Variants in ZBTB20 observed in about 807,000 individuals in gnomAD.
ZBTB20 encodes the protein zinc finger and BTB domain containing 20.
ZBTB20 carries 9 observed loss-of-function variants against 56.9 expected under a neutral mutation model. That is an observed-to-expected ratio of 0.16 (90% CI 0.10 to 0.28). The LOEUF is 0.28. ZBTB20 is among the 10% of genes least tolerant of loss of function. The pLI is 1.00. For synonymous variants in ZBTB20, 417 were observed against 420.7 expected, an observed-to-expected ratio of 0.99 and a Z score of 0.11; for missense variants, 655 against 1,003.0, an observed-to-expected ratio of 0.65 and a Z score of 4.69.
chr3:114,876,107 T>G (rs1200280842), intron 4 of ZBTB20, among the ~76,000 whole-genome samples: 1 of 149,870 alleles, frequency 6.7e-6, no homozygotes, highest in East Asian at 1.9e-4. Context: ...TATGGTGGCA[T>G]GCACCTGTAG....
At chr3:114,673,340 T>C (rs548109370) in intron 6 of ZBTB20, among the ~76,000 whole-genome samples, 1 of 152,236 alleles carries the variant, frequency 6.6e-6, no homozygotes, top group African/African-American at 2.4e-5. Flanking sequence ...CAGGGTGATA[T>C]AAGGATTAAT....
At chr3:114,457,668 G>C (rs2092100984) in intron 7 of ZBTB20, among the ~76,000 whole-genome samples, 1 of 152,082 alleles carries the variant, frequency 6.6e-6, no homozygotes, top group Non-Finnish European at 1.5e-5. Flanking sequence ...AGTCTGCTAA[G>C]GACTTTACAT....
chr3:114,962,943 C>G (rs1255297591), intron 3 of ZBTB20, among the ~76,000 whole-genome samples: 2 of 151,968 alleles, frequency 1.3e-5, no homozygotes, highest in Non-Finnish European at 2.9e-5. Flanking sequence ...TTCTGTCAGT[C>G]AGAAGGCAAG....
At chr3:114,678,077 C>A (rs1446937769) in intron 6 of ZBTB20, among the ~76,000 whole-genome samples, 1 of 152,098 alleles carries the variant, frequency 6.6e-6, no homozygotes, top group East Asian at 1.9e-4. Context: ...CTTTCATATG[C>A]AATCTTTTGT....
intron 3 of ZBTB20, among the ~76,000 whole-genome samples, chr3:114,947,714 G>T (rs35293656): frequency 6.9e-6 from 1 of 145,586 alleles, no homozygotes; most frequent in Admixed American, 6.6e-5. Context: ...GTGTTATTCA[G>T]GTTATGAATA....
intron 3 of ZBTB20, among the ~76,000 whole-genome samples, chr3:114,917,513 A>T (rs1560396468): frequency 6.6e-6 from 1 of 152,102 alleles, no homozygotes; most frequent in Non-Finnish European, 1.5e-5. Flanking sequence ...TTGGGGAAGC[A>T]TTCTAGGTAT....
intron 6 of ZBTB20, among the ~76,000 whole-genome samples, chr3:114,563,315 C>G (rs548788962): frequency 8.5e-5 from 13 of 152,246 alleles, no homozygotes; most frequent in African/African-American, 3.1e-4. Flanking sequence ...CCAGTTTGAA[C>G]CGAATCCCAT....
intron 2 of ZBTB20, among the ~76,000 whole-genome samples, chr3:114,978,669 T>TGC (rs781650934): frequency 2.0e-5 from 3 of 150,208 alleles, no homozygotes; most frequent in East Asian, 1.9e-4. Flanking sequence ...ATGTACCAGG[T>TGC]GTGTGTGTGT....
intron 6 of ZBTB20, among the ~76,000 whole-genome samples, chr3:114,515,422 T>C (rs1247473624): frequency 1.3e-5 from 2 of 152,200 alleles, no homozygotes; most frequent in African/African-American, 4.8e-5. Context: ...TCCAGGCTGC[T>C]GATCCTTGCT....
intron 2 of ZBTB20, among the ~76,000 whole-genome samples, chr3:114,993,716 A>G (rs2078914550): frequency 1.3e-5 from 2 of 151,936 alleles, no homozygotes; most frequent in South Asian, 4.1e-4. Flanking sequence ...AATGAACACA[A>G]TAAAGGCACT....
At chr3:114,476,203 G>A (rs1463116078) in intron 7 of ZBTB20, among the ~76,000 whole-genome samples, 4 of 151,874 alleles carry the variant, frequency 2.6e-5, no homozygotes, top group Non-Finnish European at 4.4e-5. Flanking sequence ...TAGATATGTC[G>A]TACTATACTT....
intron 7 of ZBTB20, among the ~76,000 whole-genome samples, chr3:114,458,251 T>G (rs2092138268): frequency 6.6e-6 from 1 of 152,208 alleles, no homozygotes; most frequent in Non-Finnish European, 1.5e-5. Flanking sequence ...TTCCCCCGAC[T>G]ATGCCATTCT....
chr3:114,743,060 A>AT (rs1358471157), intron 5 of ZBTB20, among the ~76,000 whole-genome samples: 4 of 152,028 alleles, frequency 2.6e-5, no homozygotes, highest in Non-Finnish European at 5.9e-5. Context: ...ACAAGTGACA[A>AT]TTTTTTTACA....
intron 5 of ZBTB20, among the ~76,000 whole-genome samples, chr3:114,748,328 TTCTTTC>T (rs1352922204): frequency 2.7e-4 from 32 of 120,046 alleles, no homozygotes; most frequent in African/African-American, 1.1e-3. Flanking sequence ...CTTTCTTTCT[TTCTTTC>T]TTCTTTCTTT....
chr3:114,812,815 C>T (rs1384177847), intron 4 of ZBTB20, among the ~76,000 whole-genome samples: 3 of 152,216 alleles, frequency 2.0e-5, no homozygotes, highest in Non-Finnish European at 4.4e-5. Flanking sequence ...TCAGGCATGG[C>T]GGGCTGCAGG....
At chr3:115,029,569 C>T (rs9824096) in intron 2 of ZBTB20, among the ~76,000 whole-genome samples, 11 of 150,660 alleles carry the variant, frequency 7.3e-5, no homozygotes, top group African/African-American at 2.7e-4. Context: ...AATAGAAAGA[C>T]AAGAAACAAG....
intron 6 of ZBTB20, among the ~76,000 whole-genome samples, chr3:114,514,497 A>G (rs1042389159): frequency 2.0e-5 from 3 of 152,210 alleles, no homozygotes; most frequent in Admixed American, 1.3e-4. Flanking sequence ...AGGTTCATCT[A>G]AATGTATAGG....
chr3:114,381,670 C>A (rs191081689), intron 8 of ZBTB20, among the ~76,000 whole-genome samples: 17 of 152,288 alleles, frequency 1.1e-4, no homozygotes, highest in Admixed American at 7.2e-4. Context: ...TGGTAATGTA[C>A]TTGTTATGCA....
chr3:114,615,683 C>T (rs1022655876), intron 6 of ZBTB20, among the ~76,000 whole-genome samples: 6 of 152,134 alleles, frequency 3.9e-5, no homozygotes, highest in Admixed American at 6.5e-5. Flanking sequence ...CAGCTGCAAA[C>T]GTGACAGATA....
Sources: gnomAD v4.1 joint callset for allele counts (sites outside exome capture counted in the v4.1 genomes callset) on GRCh38, gnomAD v4.1.1 for gene constraint, MANE v1.5 for transcripts, NCBI Gene and HGNC (gene_info 2026-07-23, HGNC 2026-07-21) for gene names.